Variants in IMMP1L observed in about 807,000 individuals in gnomAD.
The protein encoded by IMMP1L is inner mitochondrial membrane peptidase subunit 1.
IMMP1L carries 24 observed loss-of-function variants against 21.8 expected under a neutral mutation model. That is an observed-to-expected ratio of 1.10 (90% CI 0.80 to 1.55). The LOEUF (loss-of-function observed/expected upper bound fraction) is 1.55, where lower values mean the gene tolerates loss of function less well. Ranked by LOEUF, IMMP1L falls within the 40% of genes most tolerant of loss-of-function variation. The pLI is 0.00. For synonymous variants in IMMP1L, 46 were observed against 62.8 expected, an observed-to-expected ratio of 0.73 and a Z score of 1.26; for missense variants, 195 against 200.7, an observed-to-expected ratio of 0.97 and a Z score of 0.17.
intron 1 of IMMP1L, among the ~76,000 whole-genome samples, chr11:31,472,317 A>C (rs1341341225): frequency 2.6e-5 from 4 of 152,224 alleles, no homozygotes; most frequent in Admixed American, 1.3e-4. Context: ...CAGCATCAAT[A>C]TGGCATCATC....
intron 4 of IMMP1L, among the ~76,000 whole-genome samples, chr11:31,441,832 A>G (rs1278550405): frequency 6.6e-6 from 1 of 152,156 alleles, no homozygotes; most frequent in Non-Finnish European, 1.5e-5. Context: ...CTAAGGCTGA[A>G]AACCACTCTA....
At chr11:31,489,009 G>A (rs147582780) in intron 1 of IMMP1L, among the ~76,000 whole-genome samples, 2,885 of 151,924 alleles carry the variant, frequency 0.019, 80 homozygotes, top group African/African-American at 0.065. Flanking sequence ...CCATTCTCCC[G>A]CCTCAGCCTC....
intron 1 of IMMP1L, among the ~76,000 whole-genome samples, chr11:31,495,172 T>C (rs1343610773): frequency 1.3e-5 from 2 of 152,236 alleles, no homozygotes; most frequent in Admixed American, 1.3e-4. Flanking sequence ...CTGGACTTCA[T>C]TGTCCATATC....
intron 1 of IMMP1L, among the ~76,000 whole-genome samples, chr11:31,484,350 A>T (rs992382207): frequency 7.2e-5 from 11 of 151,900 alleles, no homozygotes; most frequent in Non-Finnish European, 1.5e-4. Flanking sequence ...CTCCCAATTT[A>T]CACAAAAAGT....
At chr11:31,459,099 T>C (rs533225999) in intron 3 of IMMP1L, among the ~76,000 whole-genome samples, 4 of 152,328 alleles carry the variant, frequency 2.6e-5, no homozygotes, top group South Asian at 2.1e-4. Context: ...ATCTATTATA[T>C]AAGTTTTATT....
intron 1 of IMMP1L, among the ~76,000 whole-genome samples, chr11:31,474,207 T>A (rs1022329819): frequency 6.6e-6 from 1 of 152,160 alleles, no homozygotes; most frequent in African/African-American, 2.4e-5. Context: ...CACAGAATGA[T>A]GCATAAAAAG....
rs151270084 is a variant in IMMP1L, at chr11:31,471,665, T to C, written c.-29-8360A>G. On this transcript the variant is annotated intron_variant, in intron 1 of 5. Coordinates refer to ENST00000532287, the MANE Select transcript of IMMP1L (RefSeq NM_001304274.2). ...ACTGGTAGTTTTGTCAGTTTGATGG[T>C]AGAAAAATAAGGGAGCTCTTGCCTC... Among the ~76,000 whole-genome samples, 844 of 152,236 alleles carry C rather than the reference T, an allele frequency of 5.5e-3. 12 individuals are homozygous for C. The highest frequency in any genetic ancestry group is 0.019 in the African/African-American group (800 of 41,536).
At chr11:31,506,053 T>C (rs1015451887) in intron 1 of IMMP1L, among the ~76,000 whole-genome samples, 5 of 152,118 alleles carry the variant, frequency 3.3e-5, no homozygotes, top group African/African-American at 1.2e-4. Context: ...CGCACACTGT[T>C]CAAGGATCAA....
chr11:31,479,094 T>C (rs1954809749), intron 1 of IMMP1L, among the ~76,000 whole-genome samples: 1 of 151,948 alleles, frequency 6.6e-6, no homozygotes, highest in South Asian at 2.1e-4. Context: ...CAAACATCTG[T>C]CCAGAATAAA....
intron 4 of IMMP1L, among the ~76,000 whole-genome samples, chr11:31,453,680 G>T (rs191398565): frequency 1.3e-5 from 2 of 152,290 alleles, no homozygotes; most frequent in Non-Finnish European, 2.9e-5. Context: ...TTCTGTAATA[G>T]CTACACAATT....
intron 1 of IMMP1L, among the ~76,000 whole-genome samples, chr11:31,492,165 T>C (rs1001985785): frequency 7.9e-5 from 12 of 152,242 alleles, no homozygotes; most frequent in South Asian, 4.1e-4. Flanking sequence ...TTAATCTACA[T>C]TGAAAATTTG....
intron 1 of IMMP1L, among the ~76,000 whole-genome samples, chr11:31,499,331 C>T (rs1453648122): frequency 6.6e-6 from 1 of 151,968 alleles, no homozygotes; most frequent in Non-Finnish European, 1.5e-5. Flanking sequence ...CGTCATTGCA[C>T]TCCAGCCTGG....
chr11:31,482,031 C>G (rs1954908478), intron 1 of IMMP1L, among the ~76,000 whole-genome samples: 2 of 152,018 alleles, frequency 1.3e-5, no homozygotes, highest in Admixed American at 1.3e-4. Context: ...TCCTTAAAGG[C>G]AAACTAACAA....
rs191467544 is a variant in IMMP1L at position 31,446,909 on chromosome 11, A to G, written c.321+9351T>C. Among the ~76,000 whole-genome samples, 608 of 152,324 alleles carry G rather than the reference A, an allele frequency of 4.0e-3. 15 individuals are homozygous for G. Among genetic ancestry groups the G allele is most frequent in the East Asian group, 1.3e-3 (7 of 5,186 alleles). ...CTGTCCAATATGGCAGCCACTAGTCATATATGTGGCTATCTAAATTTTAAA... is the reference window on the plus strand; with the variant it reads ...CTGTCCAATATGGCAGCCACTAGTCGTATATGTGGCTATCTAAATTTTAAA... On this transcript the variant is annotated intron_variant, in intron 4 of 5. Coordinates refer to ENST00000532287, the MANE Select transcript of IMMP1L (RefSeq NM_001304274.2).
chr11:31,482,572 C>A (rs1565000469), intron 1 of IMMP1L, among the ~76,000 whole-genome samples: 2 of 151,764 alleles, frequency 1.3e-5, no homozygotes, highest in African/African-American at 4.8e-5. Flanking sequence ...AGAAAATAAC[C>A]AAACAGCCAA....
chr11:31,504,350 TC>T (rs551802779), intron 1 of IMMP1L, among the ~76,000 whole-genome samples: 42 of 152,266 alleles, frequency 2.8e-4, no homozygotes, highest in African/African-American at 1.0e-3. Flanking sequence ...CTCCTACAAA[TC>T]CATGGGACAG....
At chr11:31,462,084 G>A (rs901004597) in intron 2 of IMMP1L, among the ~76,000 whole-genome samples, 1 of 152,156 alleles carries the variant, frequency 6.6e-6, no homozygotes, top group Non-Finnish European at 1.5e-5. Flanking sequence ...GGATGCCAAG[G>A]TAGGCAGATC....
intron 4 of IMMP1L, among the ~76,000 whole-genome samples, chr11:31,444,820 C>T (rs1310106531): frequency 2.0e-5 from 3 of 152,100 alleles, no homozygotes; most frequent in Admixed American, 1.3e-4. Flanking sequence ...TGGGCATGCT[C>T]ATCAAGCAAT....
At chr11:31,504,898 C>A (rs577204872) in intron 1 of IMMP1L, among the ~76,000 whole-genome samples, 1 of 152,256 alleles carries the variant, frequency 6.6e-6, no homozygotes, top group Admixed American at 6.5e-5. Context: ...GGTGCTACAA[C>A]TCAGGACTAT....
Sources: gnomAD v4.1 joint callset for allele counts (sites outside exome capture counted in the v4.1 genomes callset) on GRCh38, gnomAD v4.1.1 for gene constraint, MANE v1.5 for transcripts, NCBI Gene and HGNC (gene_info 2026-07-23, HGNC 2026-07-21) for gene names.